Variants in LOXL1 observed in about 807,000 individuals in gnomAD.
The protein encoded by LOXL1 is lysyl oxidase homolog 1.
LOXL1 carries 31 observed loss-of-function variants against 62.2 expected under a neutral mutation model. The observed-to-expected ratio is 0.50, with a 90% confidence interval of 0.37 to 0.67. The LOEUF is 0.67. LOXL1 is among the 30% of genes least tolerant of loss of function. The pLI is 0.00. For missense variants in LOXL1, 775 were observed against 843.4 expected, an observed-to-expected ratio of 0.92 and a Z score of 1.00; for synonymous variants, 403 against 384.4, an observed-to-expected ratio of 1.05 and a Z score of -0.56.
Position 73,926,719 on chromosome 15 carries a change from A to G in LOXL1, c.-65A>G. The G allele has an allele frequency of 7.4e-7, 1 of 1,355,122 alleles. No individual in the cohort carries two copies. Among genetic ancestry groups the G allele is most frequent in the South Asian group, 1.8e-5 (1 of 56,014 alleles). 83.9% of individuals were successfully genotyped at this position (1,355,122 alleles called of 1,614,324 possible). On this transcript the variant is annotated 5_prime_UTR_variant, in exon 1 of 7. Coordinates refer to ENST00000261921, the MANE Select transcript of LOXL1 (RefSeq NM_005576.4). The stretch of plus-strand genomic sequence containing the variant: ...CCTGTCCTCGAGGCCGTGGGAAGAG[A>G]AGCACGCCCAGGGGGCCACTCCTGA...
At chr15:73,944,587 G>A (rs1273538695) in intron 2 of LOXL1, among the ~76,000 whole-genome samples, 1 of 152,214 alleles carries the variant, frequency 6.6e-6, no homozygotes, top group Admixed American at 6.5e-5. Flanking sequence ...CCCTGGGGCA[G>A]GAGGGCCCTC....
rs2068740636 is a variant in LOXL1, at chr15:73,945,327, G to T, written c.1212-1090G>T. On this transcript the variant is annotated intron_variant, in intron 2 of 6. Transcript: ENST00000261921. The surrounding 1 kb of genome is among the most constrained non-coding windows in gnomAD (Gnocchi z 4.3). ...CAGTGCAAGATGTAGATGGTATCGG[G>T]CTGTGCTGCAGTCAGTGCTGTTAGA... Among the ~76,000 whole-genome samples the T allele has an allele frequency of 6.6e-6, 1 of 152,190 alleles. No individual in the cohort carries two copies. The highest frequency in any genetic ancestry group is 1.5e-5 in the Non-Finnish European group (1 of 68,040).
In LOXL1 at chr15:73,927,424, CG is replaced by C; in HGVS notation, c.646del (p.Ala216ArgfsTer211). ...YYRPAGGGVG[A>X]GAAAVASAGV... The stretch of plus-strand genomic sequence containing the variant: ...CGGCCCGCGGGCGGCGGCGTGGGCG[CG>C]GGGGCGGCGGCCGTGGCCTCGGCGG... On this transcript the variant is annotated frameshift_variant, in exon 1 of 7. Transcript: ENST00000261921. LOFTEE classifies it high-confidence loss of function. 1 of 1,492,890 alleles carries C rather than the reference CG, an allele frequency of 6.7e-7. No homozygotes were observed. The highest frequency in any genetic ancestry group is 1.3e-5 in the South Asian group (1 of 76,650). The allele number at this position is 1,492,890 out of a possible 1,614,324, so 92.5% of individuals were successfully genotyped here. A position where few individuals can be genotyped will look rare whatever the true frequency, so the allele number is the denominator to read the frequency against.
chr15:73,945,381 A>T lies in LOXL1; in HGVS notation c.1212-1036A>T, dbSNP rs2068741089. On this transcript the variant is annotated intron_variant, in intron 2 of 6. Transcript: ENST00000261921. The surrounding 1 kb of genome is among the most constrained non-coding windows in gnomAD (Gnocchi z 4.3). ...CACAGGCAATCCGGATCCTCTATGT[A>T]GAGCAATCAGGGCAGACTTCCTGGA... Among the ~76,000 whole-genome samples, 1 of 152,226 alleles carries T rather than the reference A, an allele frequency of 6.6e-6. No individual in the cohort carries two copies. Among genetic ancestry groups the T allele is most frequent in the African/African-American group, 2.4e-5 (1 of 41,444 alleles).
chr15:73,947,742 GGTGGGC>G (rs972498223), intron 4 of LOXL1, 59 bp from the exon 5 acceptor site: 18 of 1,144,646 alleles, frequency 1.6e-5, no homozygotes, highest in African/African-American at 4.6e-5. Flanking sequence ...AACTCCTGAA[GGTGGGC>G]GTGGGGTGGC....
At chr15:73,946,076 G>A (rs1379795295) in intron 2 of LOXL1, among the ~76,000 whole-genome samples, 2 of 152,136 alleles carry the variant, frequency 1.3e-5, no homozygotes, top group Non-Finnish European at 2.9e-5. Context: ...AGATTGCTAT[G>A]TGCTCCTGCA....
chr15:73,942,823 C>A lies in LOXL1; in HGVS notation c.1103-31C>A, dbSNP rs753737801. ...GCTCTCAATGTCATGCTCTTCCTCC[C>A]TCCCCCCTTCTCTCCCACTGCCCAC... On this transcript the variant is annotated intron_variant, in intron 1 of 6. Transcript: ENST00000261921. The A allele has an allele frequency of 5.1e-6, 7 of 1,361,868 alleles. No individual in the cohort carries two copies. In the East Asian group the frequency reaches 1.6e-4, roughly 31 times the overall value. 84.4% of individuals were successfully genotyped at this position (1,361,868 alleles called of 1,614,324 possible).
At chr15:73,933,959 G>A (rs914669450) in intron 1 of LOXL1, among the ~76,000 whole-genome samples, 2 of 152,248 alleles carry the variant, frequency 1.3e-5, no homozygotes, top group African/African-American at 4.8e-5. Flanking sequence ...TGAGGGTTGG[G>A]TCTGGGTCCC....
chr15:73,932,637 T>C (rs1431551865), intron 1 of LOXL1, among the ~76,000 whole-genome samples: 1 of 152,222 alleles, frequency 6.6e-6, no homozygotes, highest in Non-Finnish European at 1.5e-5. Context: ...AACACTCATA[T>C]GGTGCATACT....
rs1390479722 is a variant in LOXL1, at chr15:73,926,491, G to C, written c.-293G>C. Reference sequence around the variant, plus strand: ...AGAGTGGGAAAGCGCCAGCCGAGCGGCCAGCCAGTGCGGGGCTGGCCATGT... The same window carrying C: ...AGAGTGGGAAAGCGCCAGCCGAGCGCCCAGCCAGTGCGGGGCTGGCCATGT... On this transcript the variant is annotated 5_prime_UTR_variant, in exon 1 of 7. Coordinates refer to ENST00000261921, the MANE Select transcript of LOXL1 (RefSeq NM_005576.4). 1.8e-5 allele frequency: 6 copies of C among 337,610 alleles called. No individual in the cohort carries two copies. The highest frequency in any genetic ancestry group is 1.3e-4 in the African/African-American group (6 of 47,210). 20.9% of individuals were successfully genotyped at this position (337,610 alleles called of 1,614,324 possible).
intron 1 of LOXL1, among the ~76,000 whole-genome samples, chr15:73,936,284 C>T (rs893789878): frequency 1.3e-5 from 2 of 152,176 alleles, no homozygotes; most frequent in African/African-American, 4.8e-5. Flanking sequence ...ACCTTGCCTG[C>T]CTGCTCACCA....
chr15:73,945,626 C>A lies in LOXL1; in HGVS notation c.1212-791C>A, dbSNP rs764065046. ...GAGGACTTCACGTCTGTTTTTCAGG[C>A]CCACACCCAAGACATGGCATACTTT... On this transcript the variant is annotated intron_variant, in intron 2 of 6. Transcript: ENST00000261921. The surrounding 1 kb of genome is among the most constrained non-coding windows in gnomAD (Gnocchi z 4.3). Among the ~76,000 whole-genome samples the A allele has an allele frequency of 3.9e-5, 6 of 152,276 alleles. No homozygotes were observed. The highest frequency in any genetic ancestry group is 8.8e-5 in the Non-Finnish European group (6 of 68,026).
intron 4 of LOXL1, 143 bp from the exon 5 acceptor site, chr15:73,947,664 G>A (rs2141637421): frequency 1.6e-6 from 1 of 625,778 alleles, no homozygotes; most frequent in Non-Finnish European, 2.9e-6. Flanking sequence ...TTAGGAAGGT[G>A]TGGACCCACC....
chr15:73,929,144 C>A (rs890279843), intron 1 of LOXL1, among the ~76,000 whole-genome samples: 1 of 152,238 alleles, frequency 6.6e-6, no homozygotes, highest in Non-Finnish European at 1.5e-5. Flanking sequence ...GTCCTAGAAT[C>A]CCCCTCCCTG....
rs565537856 is a variant in LOXL1 at position 73,951,435 on chromosome 15, C to T, written c.1719-396C>T. On this transcript the variant is annotated intron_variant, in intron 6 of 6. Transcript: ENST00000261921. ...GGGCCAGCGTGCACAGGAAGCTGGA[C>T]AGAGCGTTCCCAGAAAGGCCACGGG... is the stretch of plus-strand genomic sequence containing the variant. Among the ~76,000 whole-genome samples, 720 of 152,010 alleles carry T rather than the reference C, an allele frequency of 4.7e-3. 5 individuals are homozygous for T. Among genetic ancestry groups the T allele is most frequent in the Middle Eastern group, 0.024 (7 of 294 alleles).
At position 73,946,524 on chromosome 15, in the gene LOXL1, G is replaced by A. The variant is rs768598509; in HGVS notation, c.1319G>A (p.Arg440Gln). 5.6e-6 allele frequency: 9 copies of A among 1,609,248 alleles called. No homozygotes were observed. Among genetic ancestry groups the A allele is most frequent in the South Asian group, 2.2e-5 (2 of 90,100 alleles). Residue 440 changes from arginine (R) to glutamine (Q), a missense_variant, in exon 3 of 7, where the codon CGG becomes CAG. Coordinates refer to ENST00000261921, the MANE Select transcript of LOXL1 (RefSeq NM_005576.4). ...GTADFLPNRP[R>Q]HTWEWHSCHQ... ...GCAGACTTCCTCCCCAACCGGCCAC[G>A]GCACACCTGGGAGTGGCACAGCTGC...
At position 73,930,998 on chromosome 15, in the gene LOXL1, T is replaced by G. The variant is rs1405073504; in HGVS notation, c.1102+3113T>G. Among the ~76,000 whole-genome samples, 1 of 152,128 alleles carries G rather than the reference T, an allele frequency of 6.6e-6. No homozygotes were observed. Among genetic ancestry groups the G allele is most frequent in the Non-Finnish European group, 1.5e-5 (1 of 68,006 alleles). On this transcript the variant is annotated intron_variant, in intron 1 of 6. Coordinates refer to ENST00000261921, the MANE Select transcript of LOXL1 (RefSeq NM_005576.4). This position sits in a 1 kb window ranked among gnomAD's most constrained non-coding sequence, Gnocchi z 4.7. Reference sequence around the variant, plus strand: ...CCCTCGATGTGACCACTCCTGCTATTACCAACCAGGCCCTCCTCTCCTGGG... The same window carrying G: ...CCCTCGATGTGACCACTCCTGCTATGACCAACCAGGCCCTCCTCTCCTGGG...
In LOXL1 at chr15:73,949,490, A is replaced by G; in HGVS notation, c.1634A>G (p.Glu545Gly). 1.2e-6 allele frequency: 2 copies of G among 1,613,722 alleles called. No homozygotes were observed. The highest frequency in any genetic ancestry group is 1.7e-6 in the Non-Finnish European group (2 of 1,179,680). The change falls in exon 6 of 7, where the codon GAG becomes GGG. Residue 545 changes from glutamate to glycine, a missense_variant. Physicochemically the swap from Glu to Gly is moderately conservative, Grantham distance 98. Transcript: ENST00000261921. ...GTGAACCCAAAGTATATTGTTTTGG[A>G]GTCTGACTTCACCAACAACGTGGTG... The part of the protein sequence containing the change: ...VHVNPKYIVL[E>G]SDFTNNVVRC...
Position 73,942,976 on chromosome 15 carries a change from G to A in LOXL1, c.1211+14G>A, listed in dbSNP as rs201905077. On this transcript the variant is annotated intron_variant, in intron 2 of 6. Coordinates refer to ENST00000261921, the MANE Select transcript of LOXL1 (RefSeq NM_005576.4). ...GTGTCTGGCCAGGTAAGGAGCTGAGGCAGAAGTGTAGAGTGTTGGGATAGT... is the reference window on the plus strand; with the variant it reads ...GTGTCTGGCCAGGTAAGGAGCTGAGACAGAAGTGTAGAGTGTTGGGATAGT... 1.0e-4 allele frequency: 162 copies of A among 1,597,534 alleles called. No individual in the cohort carries two copies. In the Middle Eastern group the frequency reaches 2.2e-3, roughly 21 times the overall value.
Sources: gnomAD v4.1 joint callset for allele counts (sites outside exome capture counted in the v4.1 genomes callset) on GRCh38, gnomAD v4.1.1 for gene constraint, Gnocchi (gnomAD v3.1) non-coding constraint, MANE v1.5 for transcripts, NCBI Gene and HGNC (gene_info 2026-07-23, HGNC 2026-07-21) for gene names.